The following GSE1 variants were observed in gnomAD, a reference collection of about 807,000 sequenced individuals.
GSE1 encodes Gse1 coiled-coil protein, also known as genetic suppressor element 1.
GSE1 carries 32 observed loss-of-function variants against 112.6 expected under a neutral mutation model. That is an observed-to-expected ratio of 0.28 (90% CI 0.21 to 0.38). GSE1 has a LOEUF of 0.38. Ranked by LOEUF, GSE1 falls within the 10% of genes least tolerant of loss-of-function variation. The pLI, the probability that GSE1 is intolerant of heterozygous loss-of-function variation, is 1.00. For synonymous variants in GSE1, 1,115 were observed against 735.6 expected (o/e 1.52, Z -8.35); for missense variants, 2,348 against 1,699.2 (o/e 1.38, Z -6.71).
At position 85,317,402 on chromosome 16, in the gene GSE1, C is replaced by T. The variant is rs536978550; in HGVS notation, c.2284-40061C>T. Among the ~76,000 whole-genome samples the T allele has an allele frequency of 5.3e-5, 8 of 152,274 alleles. No individual in the cohort carries two copies. The South Asian group carries it at 1.7e-3, about 32-fold the overall frequency. On this transcript the variant is annotated intron_variant, in intron 1 of 2. Coordinates refer to the GSE1 transcript ENST00000637419. Reference sequence around the variant, plus strand: ...CCTACCTCCAGCTCCAGCGGTGCTGCAGACTCATGCCCCCAGGACCAGCCT... The same window carrying T: ...CCTACCTCCAGCTCCAGCGGTGCTGTAGACTCATGCCCCCAGGACCAGCCT...
At chr16:85,478,908 T>C (rs1355616489) in intron 2 of GSE1, among the ~76,000 whole-genome samples, 4 of 52,404 alleles carry the variant, frequency 7.6e-5, no homozygotes, top group African/African-American at 3.7e-4. Context: ...TCTTTCTTTC[T>C]TTCTTTCTTT....
At chr16:85,521,542 G>A (rs1025725445) in intron 2 of GSE1, among the ~76,000 whole-genome samples, 29 of 152,234 alleles carry the variant, frequency 1.9e-4, no homozygotes, top group African/African-American at 2.9e-4. Context: ...CTCTGGGCAC[G>A]TTTGGGTCCT....
chr16:85,652,405 C>T (rs947822786), intron 3 of GSE1, among the ~76,000 whole-genome samples: 8 of 152,208 alleles, frequency 5.3e-5, no homozygotes, highest in African/African-American at 1.9e-4. Flanking sequence ...CGTCAGTGCC[C>T]ATGTGTACCT....
At chr16:85,310,828 C>T (rs977418455) in intron 1 of GSE1, among the ~76,000 whole-genome samples, 5 of 151,956 alleles carry the variant, frequency 3.3e-5, no homozygotes, top group African/African-American at 9.7e-5. Context: ...TCAACACCCA[C>T]CCGGGGTCCA....
intron 1 of GSE1, among the ~76,000 whole-genome samples, chr16:85,194,599 C>G (rs1434779718): frequency 6.6e-6 from 1 of 152,156 alleles, no homozygotes; most frequent in Non-Finnish European, 1.5e-5. Flanking sequence ...AGACTAATGA[C>G]TCGAGTGTTG....
At chr16:85,385,710 C>T (rs1186702925) in intron 2 of GSE1, among the ~76,000 whole-genome samples, 1 of 152,232 alleles carries the variant, frequency 6.6e-6, no homozygotes, top group Non-Finnish European at 1.5e-5. Flanking sequence ...CCCGCTCTCG[C>T]GAGGCAGCCG....
intron 1 of GSE1, among the ~76,000 whole-genome samples, chr16:85,190,004 C>T (rs1403002773): frequency 6.6e-6 from 1 of 152,172 alleles, no homozygotes; most frequent in Admixed American, 6.5e-5. Flanking sequence ...TAAGATGTAT[C>T]ATCTTTTGCA....
chr16:85,530,342 A>G (rs766082807), intron 2 of GSE1, among the ~76,000 whole-genome samples: 40 of 152,216 alleles, frequency 2.6e-4, no homozygotes, highest in Non-Finnish European at 5.1e-4. Flanking sequence ...GCGCGAATGT[A>G]TCTCCTCCCC....
chr16:85,221,334 A>ACACACC (rs1555542467), intron 1 of GSE1, among the ~76,000 whole-genome samples: 12 of 148,172 alleles, frequency 8.1e-5, no homozygotes, highest in East Asian at 2.0e-4. Context: ...ACACACACAC[A>ACACACC]CCCCAAGTAC....
intron 1 of GSE1, among the ~76,000 whole-genome samples, chr16:85,338,934 C>A (rs1006978613): frequency 6.6e-6 from 1 of 152,172 alleles, no homozygotes; most frequent in African/African-American, 2.4e-5. Context: ...TGGCCTGGCC[C>A]GCAGCAGGCA....
chr16:85,407,923 A>G (rs1214862960), intron 2 of GSE1, among the ~76,000 whole-genome samples: 10 of 30,684 alleles, frequency 3.3e-4, no homozygotes, highest in East Asian at 2.8e-3. Flanking sequence ...CCTCACCGTT[A>G]CTCTCAGGCC....
chr16:85,295,352 A>G (rs2045337379), intron 1 of GSE1, among the ~76,000 whole-genome samples: 1 of 152,224 alleles, frequency 6.6e-6, no homozygotes, highest in Non-Finnish European at 1.5e-5. Flanking sequence ...AAATACAAAC[A>G]AATCAGTTTT....
chr16:85,496,354 G>A (rs956489381), intron 2 of GSE1, among the ~76,000 whole-genome samples: 1 of 148,634 alleles, frequency 6.7e-6, no homozygotes, highest in Non-Finnish European at 1.5e-5. Context: ...CATGGCTGAC[G>A]CCGAGCACCG....
intron 1 of GSE1, among the ~76,000 whole-genome samples, chr16:85,625,443 C>G (rs1481910941): frequency 6.6e-6 from 1 of 152,192 alleles, no homozygotes; most frequent in South Asian, 2.1e-4. Flanking sequence ...CAGAGCCCCC[C>G]TGCTGTCCTC....
chr16:85,607,744 C>T (rs1218863869), upstream of GSE1, among the ~76,000 whole-genome samples: 1 of 152,240 alleles, frequency 6.6e-6, no homozygotes, highest in East Asian at 1.9e-4. Context: ...TCTCTCCCTC[C>T]AGCCTTTATC....
Position 85,661,130 on chromosome 16 carries a change from T to G in GSE1, c.1641-16T>G, listed in dbSNP as rs1476608541. ...GGTCTTTTCTCCCTGACTGAAGGGT[T>G]GGTTTCACTCCCTAGGCCAGGACCA... is the stretch of plus-strand genomic sequence containing the variant. On this transcript the variant is annotated splice_polypyrimidine_tract_variant and intron_variant, in intron 8 of 15. Transcript: ENST00000253458. 2 of 1,549,174 alleles carry G rather than the reference T, an allele frequency of 1.3e-6. No homozygotes were observed. The highest frequency in any genetic ancestry group is 1.7e-6 in the Non-Finnish European group (2 of 1,143,716).
intron 2 of GSE1, among the ~76,000 whole-genome samples, chr16:85,403,606 A>T (rs1175819718): frequency 6.6e-6 from 1 of 151,962 alleles, no homozygotes; most frequent in Admixed American, 6.6e-5. Context: ...CCTGGGCAAC[A>T]TAGTGAAACC....
At chr16:85,213,242 C>CT (rs1172928580) in intron 1 of GSE1, among the ~76,000 whole-genome samples, 1 of 149,832 alleles carries the variant, frequency 6.7e-6, no homozygotes, top group African/African-American at 2.5e-5. Context: ...GCACTCCAGC[C>CT]TGGCAACAGA....
intron 1 of GSE1, among the ~76,000 whole-genome samples, chr16:85,224,388 C>G (rs2075447637): frequency 7.0e-6 from 1 of 142,102 alleles, no homozygotes; most frequent in African/African-American, 2.6e-5. Context: ...AATTCTCGAT[C>G]TGGTTGGCAG....
Sources: allele counts gnomAD v4.1 joint callset (sites outside exome capture counted in the v4.1 genomes callset), GRCh38; gene constraint gnomAD v4.1.1; transcripts MANE v1.5; gene names NCBI Gene and HGNC (gene_info 2026-07-23, HGNC 2026-07-21).